Variants in COL21A1 observed in about 807,000 individuals in gnomAD.
The protein encoded by COL21A1 is collagen alpha-1(XXI) chain.
Under a neutral mutation model 137.9 loss-of-function variants are expected in COL21A1, and 149 were observed. The ratio of observed to expected loss-of-function variants is 1.08; its 90% confidence interval spans 0.95 to 1.24. The LOEUF is 1.24. COL21A1 is among the 50% of genes most tolerant of loss of function. The pLI, the probability that COL21A1 is intolerant of heterozygous loss-of-function variation, is 0.00. For missense variants in COL21A1, 1,167 were observed against 1,158.4 expected (o/e 1.01, Z -0.11); for synonymous variants, 456 against 391.5 (o/e 1.16, Z -1.95).
chr6:56,300,415 T>C (rs1433645878), intron 1 of COL21A1, among the ~76,000 whole-genome samples: 2 of 152,152 alleles, frequency 1.3e-5, no homozygotes, highest in African/African-American at 4.8e-5. Flanking sequence ...AACCTTTTAT[T>C]AAATGCTTAC....
chr6:56,339,532 G>C (rs1765419600), intron 1 of COL21A1, among the ~76,000 whole-genome samples: 1 of 149,534 alleles, frequency 6.7e-6, no homozygotes, highest in Non-Finnish European at 1.5e-5. Context: ...ATGAATTTAT[G>C]TTGTTGATAG....
intron 16 of COL21A1, among the ~76,000 whole-genome samples, chr6:56,115,987 A>C (rs1475957176): frequency 6.6e-6 from 1 of 152,070 alleles, no homozygotes; most frequent in Non-Finnish European, 1.5e-5. Context: ...CAGAGGAGAC[A>C]AATAATAATA....
At chr6:56,334,919 A>T (rs1360021698) in intron 1 of COL21A1, among the ~76,000 whole-genome samples, 1 of 152,188 alleles carries the variant, frequency 6.6e-6, no homozygotes, top group Admixed American at 6.5e-5. Context: ...TAGCAGCACA[A>T]AAGTCCACAC....
chr6:56,057,796 G>A lies in COL21A1; in HGVS notation c.2735C>T (p.Pro912Leu). ...GTCTCCATCTTTGCCAGGGAGACCT[G>A]GGTCTCCTGGAGGACCTTCTTTGCT... ...GISKEGPPGD[P>L]GLPGKDGDHG... The change falls in exon 30 of 30, where the codon CCA becomes CTA. Residue 912 changes from proline to leucine, a missense_variant. Pro to Leu is a moderately conservative substitution (Grantham distance 98). Coordinates refer to ENST00000244728, the MANE Select transcript of COL21A1 (RefSeq NM_030820.4). 1 of 1,599,716 alleles carries A rather than the reference G, an allele frequency of 6.3e-7. No individual in the cohort carries two copies. Among genetic ancestry groups the A allele is most frequent in the Non-Finnish European group, 8.5e-7 (1 of 1,173,554 alleles).
chr6:56,369,497 G>T (rs1359699257), intron 1 of COL21A1, among the ~76,000 whole-genome samples: 2 of 151,642 alleles, frequency 1.3e-5, no homozygotes, highest in Non-Finnish European at 2.9e-5. Flanking sequence ...GGACATAAAG[G>T]TAGAAAAAAA....
intron 1 of COL21A1, among the ~76,000 whole-genome samples, chr6:56,267,745 A>C (rs1297561751): frequency 1.2e-5 from 1 of 83,590 alleles, no homozygotes; most frequent in African/African-American, 4.8e-5. Context: ...CAACAGAGCA[A>C]GACTCTGTTA....
At chr6:56,217,354 C>A (rs1057456462) in intron 1 of COL21A1, among the ~76,000 whole-genome samples, 25 of 152,024 alleles carry the variant, frequency 1.6e-4, no homozygotes, top group African/African-American at 5.8e-4. Flanking sequence ...CCTGTCTGAA[C>A]AGAACTCCAT....
At chr6:56,298,157 T>C (rs938644969) in intron 1 of COL21A1, among the ~76,000 whole-genome samples, 2 of 150,586 alleles carry the variant, frequency 1.3e-5, no homozygotes, top group African/African-American at 4.9e-5. Context: ...AGTGAACAGA[T>C]TGGAAGGCGC....
intron 1 of COL21A1, chr6:56,276,404 G>C: frequency 5.3e-6 from 3 of 562,038 alleles, no homozygotes; most frequent in East Asian, 6.1e-5. Flanking sequence ...TTTTTAAAAA[G>C]GTTTCCTGTT....
At chr6:56,332,767 G>C (rs907265860) in intron 1 of COL21A1, among the ~76,000 whole-genome samples, 1 of 151,664 alleles carries the variant, frequency 6.6e-6, no homozygotes, top group Non-Finnish European at 1.5e-5. Context: ...TGTGTGATTT[G>C]TTTAAAAAAT....
chr6:56,122,236 T>C (rs941154966), intron 16 of COL21A1, among the ~76,000 whole-genome samples: 6 of 151,792 alleles, frequency 4.0e-5, no homozygotes, highest in South Asian at 2.1e-4. Context: ...AACAGAGTAA[T>C]AGTTGCCAAG....
At chr6:56,181,853 G>C (rs560696655) in intron 2 of COL21A1, among the ~76,000 whole-genome samples, 2 of 151,896 alleles carry the variant, frequency 1.3e-5, no homozygotes, top group African/African-American at 4.8e-5. Flanking sequence ...CAAAGGAAAG[G>C]GCATCCACAT....
At chr6:56,389,704 C>A (rs2094025391) in intron 1 of COL21A1, among the ~76,000 whole-genome samples, 1 of 152,134 alleles carries the variant, frequency 6.6e-6, no homozygotes. Context: ...AAGTAAATAA[C>A]ATATAAAGGA....
intron 16 of COL21A1, among the ~76,000 whole-genome samples, chr6:56,107,353 G>A (rs1050088935): frequency 1.3e-5 from 2 of 151,774 alleles, no homozygotes; most frequent in African/African-American, 4.8e-5. Flanking sequence ...ATCTGTAATT[G>A]GAGTCCTTGA....
At position 56,187,539 on chromosome 6, in the gene COL21A1, A is replaced by G. The variant is rs140182318; in HGVS notation, c.-38-4883T>C. Among the ~76,000 whole-genome samples the G allele has an allele frequency of 1.5e-4, 23 of 152,350 alleles. No homozygotes were observed. The East Asian group carries it at 4.4e-3, about 29-fold the overall frequency. On this transcript the variant is annotated intron_variant, in intron 1 of 29. Coordinates refer to ENST00000244728, the MANE Select transcript of COL21A1 (RefSeq NM_030820.4). ...GTTTCGGTAACAGACCCACACTTAC[A>G]TGGTCGATTGATTTTCAACAAAAAT...
chr6:56,066,096 G>T lies in COL21A1; in HGVS notation c.2127+1199C>A, dbSNP rs74862620. Among the ~76,000 whole-genome samples the T allele has an allele frequency of 3.7e-3, 566 of 152,016 alleles. 3 individuals carry two copies. The highest frequency in any genetic ancestry group is 0.012 in the African/African-American group (514 of 41,498). ...GACATACTGAACCTGAGGTTCCCAT[G>T]AGTCATCTAAATGCAGTACCAAGAA... On this transcript the variant is annotated intron_variant, in intron 23 of 29. Coordinates refer to ENST00000244728, the MANE Select transcript of COL21A1 (RefSeq NM_030820.4).
chr6:56,136,026 G>T (rs1444337554), intron 12 of COL21A1, among the ~76,000 whole-genome samples: 1 of 152,108 alleles, frequency 6.6e-6, no homozygotes, highest in Non-Finnish European at 1.5e-5. Flanking sequence ...TGGCATATGG[G>T]AAATCATACT....
chr6:56,105,200 T>C (rs1162794174), intron 16 of COL21A1, among the ~76,000 whole-genome samples: 1 of 152,206 alleles, frequency 6.6e-6, no homozygotes, highest in Non-Finnish European at 1.5e-5. Context: ...TAGCTGTGCA[T>C]GTTTAACTAA....
At chr6:56,064,714 G>A (rs1766096382) in intron 23 of COL21A1, 92 bp from the exon 24 acceptor site, 1 of 700,072 alleles carries the variant, frequency 1.4e-6, no homozygotes, top group Admixed American at 3.5e-5. Context: ...TTGAGTTCCA[G>A]AAGAAACGTA....
Sources: gnomAD v4.1 joint callset for allele counts (sites outside exome capture counted in the v4.1 genomes callset) on GRCh38, gnomAD v4.1.1 for gene constraint, MANE v1.5 for transcripts, NCBI Gene and HGNC (gene_info 2026-07-23, HGNC 2026-07-21) for gene names.